FTCD: variants seen among roughly 807,000 people sequenced by gnomAD.
FTCD encodes formimidoyltransferase cyclodeaminase.
Under a neutral mutation model 62.9 loss-of-function variants are expected in FTCD, and 76 were observed. The ratio of observed to expected loss-of-function variants is 1.21; its 90% CI spans 1.00 to 1.46. The LOEUF (loss-of-function observed/expected upper bound fraction) is 1.46. FTCD is among the 40% of genes most tolerant of loss of function. The pLI is 0.00. For synonymous variants in FTCD, 397 were observed against 336.9 expected (o/e 1.18, Z -1.95); for missense variants, 845 against 751.3 (o/e 1.12, Z -1.46).
In FTCD at chr21:46,154,342, A is replaced by G; in HGVS notation, c.55-10T>C. On this transcript the variant is annotated splice_polypyrimidine_tract_variant and intron_variant, in intron 1 of 13. Coordinates refer to ENST00000397746, the MANE Select transcript of FTCD (RefSeq NM_206965.2). ...AGATGGCGTCGATCACCTGGGACAC[A>G]GGCCCGGCCCCCACACCTCAGTCTC... 6.2e-7 allele frequency: 1 copy of G among 1,606,800 alleles called. No homozygotes were observed. The highest frequency in any genetic ancestry group is 1.7e-5 in the Admixed American group (1 of 59,462).
At chr21:46,154,398 G>T in intron 1 of FTCD, 66 bp from the exon 2 acceptor site, 1 of 1,536,544 alleles carries the variant, frequency 6.5e-7, no homozygotes, top group South Asian at 1.2e-5. Flanking sequence ...GGAGCTTGGA[G>T]GTGGCTGCAC....
At chr21:46,143,039 A>C (rs2079056101) in intron 10 of FTCD, among the ~76,000 whole-genome samples, 1 of 151,998 alleles carries the variant, frequency 6.6e-6, no homozygotes, top group Non-Finnish European at 1.5e-5. Context: ...AGCCAGCTTC[A>C]CCTCTCCACA....
chr21:46,139,167 T>G, intron 10 of FTCD: 4 of 571,966 alleles, frequency 7.0e-6, no homozygotes, highest in East Asian at 3.0e-5. Flanking sequence ...AAGCAGGTAG[T>G]TCCCTCAGGG....
At chr21:46,140,073 A>G (rs2078960991) in intron 10 of FTCD, among the ~76,000 whole-genome samples, 1 of 152,224 alleles carries the variant, frequency 6.6e-6, no homozygotes, top group Non-Finnish European at 1.5e-5. Flanking sequence ...TTACTTATGT[A>G]TTTGGTGCAA....
chr21:46,136,714 C>G, downstream of FTCD: 1 of 1,475,086 alleles, frequency 6.8e-7, no homozygotes, highest in Non-Finnish European at 9.0e-7. Flanking sequence ...ATGTCCTGCT[C>G]CTGCCCCAAG....
chr21:46,150,523 T>C lies in FTCD; in HGVS notation c.639A>G (p.Pro213=), dbSNP rs745452186. Residue 213 remains proline (P), a splice_region_variant and synonymous_variant, in exon 6 of 14, where the codon CCA becomes CCG. Coordinates refer to ENST00000397746, the MANE Select transcript of FTCD (RefSeq NM_206965.2). Reference sequence around the variant, plus strand: ...TGCCCTGAACTTTCTTCAGACGTCCTGGCTGCAAAGGAAGAGCGTTCCCCA... The same window carrying C: ...TGCCCTGAACTTTCTTCAGACGTCCCGGCTGCAAAGGAAGAGCGTTCCCCA... The part of the protein sequence containing the change: ...LREQGRGKDQ[P]GRLKKVQGIG... The C allele has an allele frequency of 7.4e-6, 12 of 1,613,194 alleles. No individual in the cohort carries two copies. In the South Asian group the frequency reaches 1.3e-4, roughly 18 times the overall value.
At chr21:46,143,727 G>A (rs1299424923) in intron 10 of FTCD, among the ~76,000 whole-genome samples, 4 of 152,154 alleles carry the variant, frequency 2.6e-5, no homozygotes, top group East Asian at 1.9e-4. Flanking sequence ...GAAGGCGCCC[G>A]TTACCAAGCG....
At chr21:46,140,184 C>A (rs1009412036) in intron 10 of FTCD, among the ~76,000 whole-genome samples, 3 of 151,002 alleles carry the variant, frequency 2.0e-5, no homozygotes, top group Admixed American at 6.6e-5. Flanking sequence ...ACATTGCTCA[C>A]AGGGAGTGTA....
chr21:46,146,681 G>A (rs1374042255), intron 7 of FTCD: 2 of 379,982 alleles, frequency 5.3e-6, no homozygotes, highest in African/African-American at 4.1e-5. Flanking sequence ...GCTGACGGGC[G>A]GGAAAGATTT....
chr21:46,153,001 G>T lies in FTCD; in HGVS notation c.273C>A (p.Cys91Ter). Residue 91 changes from cysteine (C) to a stop codon, truncating the protein, a stop_gained, in exon 3 of 14, where the codon TGC becomes TGA. Transcript: ENST00000397746. LOFTEE classifies it high-confidence loss of function. The part of the protein sequence containing the change: ...EHPRMGALDV[C>*]PFIPVRGVSV... ...TGACGCCCCTCACGGGGATGAAGGG[G>T]CAGACGTCTAGGGCCCCCATGCGGG... is the stretch of plus-strand genomic sequence containing the variant. 1 of 1,550,722 alleles carries T rather than the reference G, an allele frequency of 6.4e-7. No individual in the cohort carries two copies. Among genetic ancestry groups the T allele is most frequent in the Non-Finnish European group, 8.7e-7 (1 of 1,147,254 alleles).
At chr21:46,155,282 A>G (rs1366537246) in intron 1 of FTCD, among the ~76,000 whole-genome samples, 188 bp downstream of exon 1, 1 of 150,912 alleles carries the variant, frequency 6.6e-6, no homozygotes, top group Non-Finnish European at 1.5e-5. Context: ...TGTTCCACCC[A>G]CCCCTGGGTC....
chr21:46,152,028 A>C, intron 3 of FTCD, 48 bp from the exon 4 acceptor site: 1 of 1,376,544 alleles, frequency 7.3e-7, no homozygotes, highest in Non-Finnish European at 1.0e-6. Flanking sequence ...GGGGTCCAGG[A>C]CTCAGTTCCT....
At chr21:46,153,105 G>T in intron 2 of FTCD, 70 bp from the exon 3 acceptor site, 1 of 1,480,130 alleles carries the variant, frequency 6.8e-7, no homozygotes. Flanking sequence ...CGGGGTTCTC[G>T]GACCCTCTGT....
intron 10 of FTCD, among the ~76,000 whole-genome samples, chr21:46,144,992 C>G (rs910575680): frequency 1.2e-4 from 18 of 151,794 alleles, no homozygotes; most frequent in Non-Finnish European, 2.1e-4. Context: ...GTGGCTGAAA[C>G]GGGTCGTCTC....
intron 10 of FTCD, among the ~76,000 whole-genome samples, chr21:46,143,259 T>C (rs1052165711): frequency 6.6e-6 from 1 of 151,880 alleles, no homozygotes; most frequent in African/African-American, 2.4e-5. Flanking sequence ...ACCGCCCTGC[T>C]CCAGAGGCTG....
intron 3 of FTCD, 32 bp from the exon 4 acceptor site, chr21:46,152,012 C>T (rs535291208): frequency 5.7e-5 from 85 of 1,488,448 alleles, no homozygotes; most frequent in African/African-American, 2.8e-4. Flanking sequence ...AGGCCTGGAC[C>T]GGCAGGGGGT....
At chr21:46,145,040 AT>A (rs1205816839) in intron 10 of FTCD, among the ~76,000 whole-genome samples, 1 of 151,940 alleles carries the variant, frequency 6.6e-6, no homozygotes, top group Non-Finnish European at 1.5e-5. Flanking sequence ...TGTTCCTGAG[AT>A]TCTTGCAGGC....
rs543794392 is a variant in FTCD, at chr21:46,143,770, A to G, written c.1260+1647T>C. ...GTCTATGGTAGTGTCAGTGCCAAAGAAAAGCATCCGCTACTTAGCAGATCG... is the reference window on the plus strand; with the variant it reads ...GTCTATGGTAGTGTCAGTGCCAAAGGAAAGCATCCGCTACTTAGCAGATCG... On this transcript the variant is annotated intron_variant, in intron 10 of 13. Transcript: ENST00000397746. Among the ~76,000 whole-genome samples the G allele has an allele frequency of 5.3e-4, 80 of 152,326 alleles. 3 individuals carry two copies. The South Asian group carries it at 0.016, about 30-fold the overall frequency.
At chr21:46,138,211 A>G (rs931366931) in intron 12 of FTCD, among the ~76,000 whole-genome samples, 3 of 152,142 alleles carry the variant, frequency 2.0e-5, no homozygotes, top group African/African-American at 7.2e-5. Flanking sequence ...GTTTTCTAGA[A>G]CAAGACAGTG....
Sources: gnomAD v4.1 joint callset for allele counts (sites outside exome capture counted in the v4.1 genomes callset) on GRCh38, gnomAD v4.1.1 for gene constraint, MANE v1.5 for transcripts, NCBI Gene and HGNC (gene_info 2026-07-23, HGNC 2026-07-21) for gene names.